The following TBCK variants were observed in gnomAD, a reference collection of about 807,000 sequenced individuals.
The protein encoded by TBCK is TBC domain-containing protein kinase-like protein.
In TBCK, 99 loss-of-function variants were observed where a neutral mutation model predicts 113.4. That is an observed-to-expected ratio of 0.87 (90% CI 0.74 to 1.03). TBCK has a LOEUF of 1.03. Ranked by LOEUF, TBCK falls within the 50% of genes least tolerant of loss-of-function variation. TBCK has a pLI of 0.00. For synonymous variants in TBCK, 369 were observed against 370.8 expected, an observed-to-expected ratio of 1.00 and a Z score of 0.05; for missense variants, 1,045 against 1,061.3, an observed-to-expected ratio of 0.98 and a Z score of 0.21.
chr4:106,230,206 G>A (rs1758703569), intron 19 of TBCK, among the ~76,000 whole-genome samples, 157 bp downstream of exon 19: 1 of 151,878 alleles, frequency 6.6e-6, no homozygotes, highest in African/African-American at 2.4e-5. Flanking sequence ...TGGATTTGGA[G>A]GAAAGACTGA....
At chr4:106,273,030 C>T (rs532466942) in intron 3 of TBCK, among the ~76,000 whole-genome samples, 50 of 152,128 alleles carry the variant, frequency 3.3e-4, no homozygotes, top group Non-Finnish European at 5.4e-4. Flanking sequence ...CATACCACAA[C>T]CACTACTATA....
intron 23 of TBCK, among the ~76,000 whole-genome samples, chr4:106,146,073 T>C (rs1325738511): frequency 6.6e-6 from 1 of 152,192 alleles, no homozygotes; most frequent in East Asian, 1.9e-4. Context: ...TAAATCGTTC[T>C]ACCATAAAGA....
At chr4:106,241,149 T>C (rs1760074439) in intron 12 of TBCK, among the ~76,000 whole-genome samples, 1 of 151,062 alleles carries the variant, frequency 6.6e-6, no homozygotes. Context: ...CATACTTACA[T>C]ATATATATAT....
intron 19 of TBCK, among the ~76,000 whole-genome samples, chr4:106,217,891 A>G (rs1316298719): frequency 1.4e-5 from 2 of 146,524 alleles, no homozygotes; most frequent in African/African-American, 4.9e-5. Context: ...ATGGAACCAA[A>G]AAAGAGCCCG....
chr4:106,060,601 A>G (rs1735927950), intron 25 of TBCK, among the ~76,000 whole-genome samples: 1 of 151,884 alleles, frequency 6.6e-6, no homozygotes, highest in Non-Finnish European at 1.5e-5. Context: ...GACGGAGAAC[A>G]TACAAAGAGA....
chr4:106,123,941 G>C (rs974365413), intron 23 of TBCK, among the ~76,000 whole-genome samples: 1 of 150,870 alleles, frequency 6.6e-6, no homozygotes, highest in South Asian at 2.1e-4. Flanking sequence ...ATAGGCATGG[G>C]CAAGGACTTC....
chr4:106,285,136 C>T (rs984492904), intron 3 of TBCK, among the ~76,000 whole-genome samples: 3 of 152,046 alleles, frequency 2.0e-5, no homozygotes, highest in African/African-American at 7.2e-5. Context: ...GCAGCTGTCT[C>T]AAAATTAATT....
intron 20 of TBCK, among the ~76,000 whole-genome samples, chr4:106,205,899 A>G (rs1396508231): frequency 1.3e-5 from 2 of 152,124 alleles, no homozygotes; most frequent in Non-Finnish European, 2.9e-5. Flanking sequence ...AAAGATTATA[A>G]AAATGTAAAA....
chr4:106,054,264 T>C, intron 25 of TBCK, among the ~76,000 whole-genome samples: 1 of 151,754 alleles, frequency 6.6e-6, no homozygotes, highest in Non-Finnish European at 1.5e-5. Flanking sequence ...CAAACCACCA[T>C]CATCTCTTAC....
intron 1 of TBCK, among the ~76,000 whole-genome samples, chr4:106,314,994 A>G (rs1023700515): frequency 6.6e-6 from 1 of 152,190 alleles, no homozygotes; most frequent in African/African-American, 2.4e-5. Flanking sequence ...AAACACAATG[A>G]TCGAAAAAGA....
chr4:106,257,441 TCA>T (rs1762111753), intron 5 of TBCK, among the ~76,000 whole-genome samples: 1 of 152,176 alleles, frequency 6.6e-6, no homozygotes, highest in Non-Finnish European at 1.5e-5. Context: ...AGCTACCTCC[TCA>T]CACTATCATT....
At chr4:106,242,298 C>G (rs538544684) in intron 12 of TBCK, among the ~76,000 whole-genome samples, 172 bp downstream of exon 12, 2 of 151,992 alleles carry the variant, frequency 1.3e-5, no homozygotes, top group East Asian at 3.9e-4. Context: ...TGTGAACAAT[C>G]AGGTAATAAA....
intron 14 of TBCK, 22 bp from the exon 15 acceptor site, chr4:106,235,389 G>T: frequency 1.3e-6 from 2 of 1,521,502 alleles, no homozygotes; most frequent in Non-Finnish European, 9.0e-7. Context: ...AAAAAGAAAT[G>T]AAAACGTCTC....
intron 22 of TBCK, among the ~76,000 whole-genome samples, chr4:106,179,121 T>G (rs944563343): frequency 6.6e-6 from 1 of 152,060 alleles, no homozygotes; most frequent in Non-Finnish European, 1.5e-5. Flanking sequence ...AAGATTTTAT[T>G]TATTTGGGCC....
chr4:106,281,722 AT>A (rs1317400328), intron 3 of TBCK, among the ~76,000 whole-genome samples: 1 of 152,034 alleles, frequency 6.6e-6, no homozygotes, highest in Non-Finnish European at 1.5e-5. Context: ...ATGTTAATTG[AT>A]TTGCGTATGT....
intron 23 of TBCK, among the ~76,000 whole-genome samples, chr4:106,126,574 C>T (rs903251101): frequency 1.3e-5 from 2 of 152,048 alleles, no homozygotes; most frequent in Admixed American, 6.6e-5. Flanking sequence ...GGAGGTTCCA[C>T]GTGTTTTCAT....
chr4:106,254,352 T>C (rs1761757177), intron 5 of TBCK, among the ~76,000 whole-genome samples: 1 of 152,230 alleles, frequency 6.6e-6, no homozygotes, highest in African/African-American at 2.4e-5. Flanking sequence ...CAAACATTGC[T>C]AGCAGGACTT....
intron 22 of TBCK, among the ~76,000 whole-genome samples, chr4:106,181,930 T>C (rs1409874273): frequency 6.6e-6 from 1 of 152,186 alleles, no homozygotes; most frequent in Non-Finnish European, 1.5e-5. Flanking sequence ...TTGATGGGGA[T>C]AGCATTGAAT....
chr4:106,306,380 T>C (rs1381118857), intron 2 of TBCK, among the ~76,000 whole-genome samples: 1 of 151,988 alleles, frequency 6.6e-6, no homozygotes, highest in Non-Finnish European at 1.5e-5. Flanking sequence ...CCACCATGCT[T>C]GGCCTTGATA....
Sources: allele counts gnomAD v4.1 joint callset (sites outside exome capture counted in the v4.1 genomes callset), GRCh38; gene constraint gnomAD v4.1.1; transcripts MANE v1.5; gene names NCBI Gene and HGNC (gene_info 2026-07-23, HGNC 2026-07-21).